U2AF2: variants seen among roughly 807,000 people sequenced by gnomAD.
U2AF2 encodes the protein splicing factor U2AF 65 kDa subunit.
U2AF2 carries 6 observed loss-of-function variants against 52.6 expected under a neutral mutation model. The ratio of observed to expected loss-of-function variants is 0.11; its 90% confidence interval spans 0.06 to 0.23. The LOEUF (loss-of-function observed/expected upper bound fraction) is 0.23. Among genes scored for constraint, U2AF2 ranks in the 10% least tolerant of loss-of-function variants. U2AF2 has a pLI of 1.00. For missense variants in U2AF2, 222 were observed against 677.1 expected (o/e 0.33, Z 7.46); for synonymous variants, 284 against 258.2 (o/e 1.10, Z -0.96).
Position 55,673,919 on chromosome 19 carries a change from C to T in U2AF2, c.1294-15C>T, listed in dbSNP as rs769452995. The T allele has an allele frequency of 5.0e-6, 8 of 1,605,300 alleles. No homozygotes were observed. Among genetic ancestry groups the T allele is most frequent in the Non-Finnish European group, 6.8e-6 (8 of 1,174,842 alleles). ...GTGAGCCTTGTTCACAAACCTGCCT[C>T]TCCTTTCCCCACAGATCTTTGTGGA... On this transcript the variant is annotated splice_polypyrimidine_tract_variant and intron_variant, in intron 11 of 11. Transcript: ENST00000308924.
At chr19:55,659,407 C>T (rs1984012725) in intron 2 of U2AF2, 62 bp downstream of exon 2, 1 of 1,407,992 alleles carries the variant, frequency 7.1e-7, no homozygotes, top group African/African-American at 1.5e-5. Context: ...GTTGGCCGGC[C>T]TGTGGGTGGC....
At chr19:55,666,780 G>A (rs1247291661) in intron 7 of U2AF2, among the ~76,000 whole-genome samples, 3 of 152,206 alleles carry the variant, frequency 2.0e-5, no homozygotes, top group Non-Finnish European at 4.4e-5. Flanking sequence ...CAAGTGAGAC[G>A]GGCAGAGCCA....
intron 6 of U2AF2, 56 bp from the exon 7 acceptor site, chr19:55,663,550 G>C (rs1984354122): frequency 6.4e-7 from 1 of 1,571,780 alleles, no homozygotes; most frequent in Non-Finnish European, 8.7e-7. Flanking sequence ...TGGAACACTA[G>C]GGGCTGTACT....
chr19:55,669,771 C>T (rs1268953868), intron 11 of U2AF2, 79 bp downstream of exon 11: 1 of 1,473,972 alleles, frequency 6.8e-7, no homozygotes, highest in Admixed American at 2.5e-5. Context: ...CTCTCTTGCT[C>T]CCTCACCCTC....
chr19:55,665,157 C>A (rs559707197), intron 7 of U2AF2, among the ~76,000 whole-genome samples: 1 of 152,234 alleles, frequency 6.6e-6, no homozygotes, highest in Non-Finnish European at 1.5e-5. Context: ...GTCTTCCCCA[C>A]GTCTCTTCCT....
rs1985130509 is a variant in U2AF2, at chr19:55,674,175, GACACACGA to G, written c.*108_*115del. On this transcript the variant is annotated 3_prime_UTR_variant, in exon 12 of 12. Transcript: ENST00000308924. ...GATGGGCAGAGGAGTGACAGCCGCAGACACACGACAGCCGGCAGCAACTGGAATGGCAG... is the reference window on the plus strand; with the variant it reads ...GATGGGCAGAGGAGTGACAGCCGCAGCAGCCGGCAGCAACTGGAATGGCAG... 1.2e-6 allele frequency: 1 copy of G among 825,874 alleles called. No individual in the cohort carries two copies. The highest frequency in any genetic ancestry group is 2.0e-5 in the African/African-American group (1 of 49,286). The allele number at this position is 825,874 out of a possible 1,614,324, so 51.2% of individuals were successfully genotyped here. A position where few individuals can be genotyped will look rare whatever the true frequency, so the allele number is the denominator to read the frequency against.
intron 4 of U2AF2, 45 bp from the exon 5 acceptor site, chr19:55,660,993 G>A (rs1568549841): frequency 5.2e-6 from 8 of 1,537,018 alleles, no homozygotes; most frequent in Non-Finnish European, 7.1e-6. Context: ...TGGTCACTGA[G>A]CATTCCCCTG....
intron 1 of U2AF2, among the ~76,000 whole-genome samples, chr19:55,657,072 G>GC (rs1280264117): frequency 6.6e-6 from 1 of 152,234 alleles, no homozygotes; most frequent in Non-Finnish European, 1.5e-5. Context: ...AGCTCTGGCT[G>GC]CAAGGCCAAG....
intron 11 of U2AF2, 106 bp from the exon 12 acceptor site, chr19:55,673,828 C>T: frequency 2.7e-6 from 4 of 1,476,864 alleles, no homozygotes; most frequent in South Asian, 2.7e-5. Context: ...GTGGCGAAGC[C>T]CCCTCCTCCC....
intron 11 of U2AF2, among the ~76,000 whole-genome samples, chr19:55,670,223 C>T (rs375571427): frequency 3.9e-5 from 6 of 152,010 alleles, no homozygotes; most frequent in Admixed American, 3.9e-4. Context: ...TTCAGGTTCT[C>T]GGAGTCTGAT....
intron 11 of U2AF2, among the ~76,000 whole-genome samples, chr19:55,673,663 G>A (rs1356055933): frequency 2.0e-5 from 3 of 152,152 alleles, no homozygotes; most frequent in Admixed American, 6.5e-5. Context: ...TAGGCCTCCC[G>A]CCTGCGCTCT....
At chr19:55,661,530 A>G (rs1984198770) in intron 5 of U2AF2, among the ~76,000 whole-genome samples, 2 of 149,854 alleles carry the variant, frequency 1.3e-5, no homozygotes, top group African/African-American at 5.0e-5. Context: ...ACACACACAC[A>G]CACACACACA....
At chr19:55,662,715 AC>A in intron 6 of U2AF2, 97 bp downstream of exon 6, 1 of 1,077,550 alleles carries the variant, frequency 9.3e-7, no homozygotes, top group Non-Finnish European at 1.4e-6. Flanking sequence ...TGCTGTTTCC[AC>A]CAGGCCCTCT....
rs769036881 is a variant in U2AF2, at chr19:55,669,174, G to GC, written c.1043dup (p.Ser349GlufsTer28). 3.7e-6 allele frequency: 6 copies of GC among 1,613,856 alleles called. No individual in the cohort carries two copies. The highest frequency in any genetic ancestry group is 3.4e-6 in the Non-Finnish European group (4 of 1,179,916). On this transcript the variant is annotated frameshift_variant, in exon 10 of 12. Coordinates refer to ENST00000308924, the MANE Select transcript of U2AF2 (RefSeq NM_007279.3). LOFTEE classifies it high-confidence loss of function. ...GGAGCCAAGAATGCCACGCTGGTGAGCCCCCCGGCACGTCATCTTCCATTG... is the reference window on the plus strand; with the variant it reads ...GGAGCCAAGAATGCCACGCTGGTGAGCCCCCCCGGCACGTCATCTTCCATTG...
At chr19:55,657,461 C>T (rs892761787) in intron 1 of U2AF2, among the ~76,000 whole-genome samples, 4 of 152,168 alleles carry the variant, frequency 2.6e-5, no homozygotes, top group African/African-American at 7.2e-5. Flanking sequence ...TTGTCTATAT[C>T]CCAGGCACCC....
intron 2 of U2AF2, among the ~76,000 whole-genome samples, chr19:55,659,839 C>T (rs995862218): frequency 5.9e-5 from 9 of 152,046 alleles, no homozygotes; most frequent in Admixed American, 5.9e-4. Context: ...CGGTTTCCAC[C>T]GCCTCTTCCC....
Position 55,668,433 on chromosome 19 carries a change from C to A in U2AF2, c.743-74C>A. On this transcript the variant is annotated intron_variant, in intron 7 of 11. Transcript: ENST00000308924. The surrounding 1 kb of genome is among the most constrained non-coding windows in gnomAD (Gnocchi z 5.5). The stretch of plus-strand genomic sequence containing the variant: ...AGTGTTCTCTTTGGCAATTGAGGAG[C>A]TCGCCGTAGACTGTCCAGGTTTTGG... The A allele has an allele frequency of 7.1e-7, 1 of 1,417,708 alleles. No homozygotes were observed. The highest frequency in any genetic ancestry group is 9.5e-7 in the Non-Finnish European group (1 of 1,048,906). 87.8% of individuals were successfully genotyped at this position (1,417,708 alleles called of 1,614,324 possible).
At position 55,669,101 on chromosome 19, in the gene U2AF2, G is replaced by A. The variant is rs1277178783; in HGVS notation, c.964G>A (p.Gly322Ser). ...VTDQAIAGLNGMQLGDKKLLV... is the reference protein window; with the variant it reads ...VTDQAIAGLNSMQLGDKKLLV... ...AACACAGGCCATTGCGGGGCTGAAC[G>A]GCATGCAGCTGGGGGATAAGAAGCT... The change falls in exon 10 of 12, where the codon GGC becomes AGC. Residue 322 changes from glycine (G) to serine (S), a missense_variant. Physicochemically the swap from Gly to Ser is moderately conservative, Grantham distance 56 (BLOSUM62 0). Transcript: ENST00000308924. 6.2e-7 allele frequency: 1 copy of A among 1,613,496 alleles called. No homozygotes were observed. Among genetic ancestry groups the A allele is most frequent in the Non-Finnish European group, 8.5e-7 (1 of 1,179,954 alleles).
At chr19:55,663,499 A>G (rs1984350512) in intron 6 of U2AF2, 107 bp from the exon 7 acceptor site, 2 of 1,496,528 alleles carry the variant, frequency 1.3e-6, no homozygotes, top group South Asian at 2.7e-5. Flanking sequence ...GGCATGTTGT[A>G]TTTGTTCACA....
Sources: gnomAD v4.1 joint callset for allele counts (sites outside exome capture counted in the v4.1 genomes callset) on GRCh38, gnomAD v4.1.1 for gene constraint, Gnocchi (gnomAD v3.1) non-coding constraint, MANE v1.5 for transcripts, NCBI Gene and HGNC (gene_info 2026-07-23, HGNC 2026-07-21) for gene names.